ARHGAP39: variants seen among roughly 807,000 people sequenced by gnomAD.
The protein encoded by ARHGAP39 is Rho GTPase activating protein 39, also known as rho GTPase-activating protein 39.
A neutral mutation model predicts 106.9 loss-of-function variants in ARHGAP39; 44 were observed. The ratio of observed to expected loss-of-function variants is 0.41; its 90% CI spans 0.32 to 0.53. The LOEUF is 0.53. Among genes scored for constraint, ARHGAP39 ranks in the 20% least tolerant of loss-of-function variants. The probability of loss-of-function intolerance (pLI) is 0.21; values close to 1 mark genes in which losing one functional copy is unlikely to be tolerated. For missense variants in ARHGAP39, 1,496 were observed against 1,577.3 expected, an observed-to-expected ratio of 0.95 and a Z score of 0.87; for synonymous variants, 768 against 693.2, an observed-to-expected ratio of 1.11 and a Z score of -1.69.
intron 1 of ARHGAP39, among the ~76,000 whole-genome samples, chr8:144,649,642 C>T (rs1039395267): frequency 2.6e-5 from 4 of 151,910 alleles, no homozygotes; most frequent in East Asian, 1.9e-4. Context: ...TGGTGGCACA[C>T]GCCTGTAATT....
At chr8:144,572,913 A>G (rs1466429694) in intron 3 of ARHGAP39, among the ~76,000 whole-genome samples, 1 of 152,222 alleles carries the variant, frequency 6.6e-6, no homozygotes, top group Non-Finnish European at 1.5e-5. Flanking sequence ...AATCAAAACC[A>G]CAATGAGATA....
At chr8:144,627,903 G>T (rs1177815141) in intron 1 of ARHGAP39, among the ~76,000 whole-genome samples, 1 of 152,180 alleles carries the variant, frequency 6.6e-6, no homozygotes, top group East Asian at 1.9e-4. Flanking sequence ...TGCTGGCTCT[G>T]GAGTCAGCAG....
the ARHGAP39 span, among the ~76,000 whole-genome samples, chr8:144,694,754 T>C: frequency 6.6e-6 from 1 of 152,178 alleles, no homozygotes; most frequent in Non-Finnish European, 1.5e-5. Context: ...TATGATAACA[T>C]TTCAGGCTGC....
chr8:144,688,871 T>G (rs1372121139), upstream of ARHGAP39, among the ~76,000 whole-genome samples: 2 of 152,208 alleles, frequency 1.3e-5, no homozygotes, highest in Non-Finnish European at 2.9e-5. Context: ...TTTTGAGGAC[T>G]GTAACAACAT....
At chr8:144,686,367 T>C (rs537549237), upstream of ARHGAP39, among the ~76,000 whole-genome samples, 5 of 152,252 alleles carry the variant, frequency 3.3e-5, no homozygotes, top group African/African-American at 1.2e-4. Context: ...CGACTAGTGC[T>C]CTATTCGGCG....
intron 2 of ARHGAP39, among the ~76,000 whole-genome samples, chr8:144,602,529 C>T (rs1336009244): frequency 1.8e-5 from 2 of 109,654 alleles, no homozygotes; most frequent in Admixed American, 1.1e-4. Context: ...CATGTGTGCT[C>T]GTGTACCTGT....
chr8:144,643,846 T>C (rs1821372235), intron 1 of ARHGAP39, among the ~76,000 whole-genome samples: 1 of 152,196 alleles, frequency 6.6e-6, no homozygotes. Context: ...GTTATGAATT[T>C]TGATAGAAAG....
At chr8:144,539,441 T>C (rs1240992687) in intron 6 of ARHGAP39, among the ~76,000 whole-genome samples, 2 of 152,254 alleles carry the variant, frequency 1.3e-5, no homozygotes, top group Non-Finnish European at 2.9e-5. Flanking sequence ...TTTTCTTTTA[T>C]AGATAGTACT....
intron 6 of ARHGAP39, among the ~76,000 whole-genome samples, chr8:144,539,397 G>A (rs1030366804): frequency 6.6e-5 from 10 of 152,126 alleles, no homozygotes; most frequent in Admixed American, 2.0e-4. Flanking sequence ...TTTTGTAGGA[G>A]ACTTAATTTT....
At chr8:144,616,462 C>G (rs1009488905) in intron 1 of ARHGAP39, among the ~76,000 whole-genome samples, 12 of 152,202 alleles carry the variant, frequency 7.9e-5, no homozygotes, top group Admixed American at 3.9e-4. Flanking sequence ...AGGGTCAGAC[C>G]CCTCCTCGGA....
intron 1 of ARHGAP39, among the ~76,000 whole-genome samples, chr8:144,669,970 G>T (rs1378178612): frequency 2.0e-5 from 3 of 152,192 alleles, no homozygotes; most frequent in Non-Finnish European, 4.4e-5. Flanking sequence ...TTCCTCAAAA[G>T]TAAACATAGA....
At chr8:144,663,645 C>G (rs1301765419) in intron 1 of ARHGAP39, among the ~76,000 whole-genome samples, 6 of 152,148 alleles carry the variant, frequency 3.9e-5, no homozygotes, top group Non-Finnish European at 8.8e-5. Context: ...CCCAGGTACC[C>G]TCTCCAGCTA....
In ARHGAP39 at chr8:144,545,502, G is replaced by A; in HGVS notation, c.2268C>T (p.Asp756=). 1.2e-6 allele frequency: 2 copies of A among 1,608,720 alleles called. No individual in the cohort carries two copies. The highest frequency in any genetic ancestry group is 1.7e-5 in the Admixed American group (1 of 59,948). The part of the protein sequence containing the change: ...LFKLIQMYMG[D]RRAKADPLHV... ...GCAGTGGGTCGGCCTTGGCCCGCCGGTCACCCATGTACATCTGGATCAGCT... is the reference window on the plus strand; with the variant it reads ...GCAGTGGGTCGGCCTTGGCCCGCCGATCACCCATGTACATCTGGATCAGCT... The change falls in exon 6 of 12, where the codon GAC becomes GAT. Residue 756 remains aspartate (D), a synonymous_variant. Coordinates refer to ENST00000377307, the MANE Select transcript of ARHGAP39 (RefSeq NM_025251.3).
At chr8:144,699,590 G>C in the ARHGAP39 span, among the ~76,000 whole-genome samples, 2 of 129,240 alleles carry the variant, frequency 1.5e-5, no homozygotes, top group Non-Finnish European at 3.3e-5. Flanking sequence ...TGGGCTGGGG[G>C]CACGGAGGGG....
At chr8:144,700,122 G>C in the ARHGAP39 span, among the ~76,000 whole-genome samples, 129 of 152,162 alleles carry the variant, frequency 8.5e-4, 1 homozygote, top group Non-Finnish European at 1.5e-3. The surrounding 1 kb of genome is among the most constrained non-coding windows in gnomAD (Gnocchi z 5.6). Context: ...ACGAAGGCGC[G>C]AACGTTCCAG....
At chr8:144,669,387 G>C (rs1822041720) in intron 1 of ARHGAP39, among the ~76,000 whole-genome samples, 1 of 142,472 alleles carries the variant, frequency 7.0e-6, no homozygotes, top group Non-Finnish European at 1.5e-5. Flanking sequence ...GGCGCCTGTA[G>C]TCCCAGCTAT....
chr8:144,600,192 TACCTGC>T (rs1819798774), intron 2 of ARHGAP39, among the ~76,000 whole-genome samples: 1 of 150,676 alleles, frequency 6.6e-6, no homozygotes, highest in African/African-American at 2.4e-5. Flanking sequence ...CTTGTGTACC[TACCTGC>T]GTGTGCGTGT....
At chr8:144,609,425 G>A (rs1263017442) in intron 1 of ARHGAP39, among the ~76,000 whole-genome samples, 4 of 132,512 alleles carry the variant, frequency 3.0e-5, no homozygotes, top group Admixed American at 8.4e-5. Context: ...TTTTTGAGAC[G>A]GAGTCTCAGT....
In ARHGAP39 at chr8:144,555,597, G is replaced by C; in HGVS notation, c.559C>G (p.Arg187Gly). The change falls in exon 4 of 12, where the codon CGG becomes GGG. Residue 187 changes from arginine to glycine, a missense_variant. By Grantham distance (125) the Arg-to-Gly change is moderately radical (BLOSUM62 -2). Around this residue, in one of 4 missense-constraint regions of ARHGAP39, gnomAD observed 905 missense variants for 816.4 expected, o/e 1.11. Transcript: ENST00000377307. The part of the protein sequence containing the change: ...VFLEKDYEIY[R>G]DYSADGQLLH... ...AGCTGGCCGTCCGCACTGTAATCCC[G>C]GTAAATCTCATAGTCCTTCTCAAGG... The C allele has an allele frequency of 6.2e-7, 1 of 1,614,014 alleles. No homozygotes were observed. The highest frequency in any genetic ancestry group is 8.5e-7 in the Non-Finnish European group (1 of 1,180,024).
Sources: allele counts gnomAD v4.1 joint callset (sites outside exome capture counted in the v4.1 genomes callset), GRCh38; gene constraint gnomAD v4.1.1; regional missense constraint gnomAD v4.1.1; non-coding constraint Gnocchi (gnomAD v3.1); transcripts MANE v1.5; gene names NCBI Gene and HGNC (gene_info 2026-07-23, HGNC 2026-07-21).